AGBL1: variants seen among roughly 807,000 people sequenced by gnomAD.
The protein encoded by AGBL1 is AGBL carboxypeptidase 1, also known as cytosolic carboxypeptidase 4.
A neutral mutation model predicts 118.9 loss-of-function variants in AGBL1; 130 were observed. That is an observed-to-expected ratio of 1.09 (90% CI 0.95 to 1.26). The LOEUF (loss-of-function observed/expected upper bound fraction) is 1.26. Among genes scored for constraint, AGBL1 ranks in the 50% most tolerant of loss-of-function variants. AGBL1 has a pLI of 0.00. For synonymous variants in AGBL1, 555 were observed against 478.9 expected (o/e 1.16, Z -2.08); for missense variants, 1,584 against 1,298.1 (o/e 1.22, Z -3.38).
At chr15:87,004,444 G>A (rs2081475571) in intron 24 of AGBL1, among the ~76,000 whole-genome samples, 1 of 152,132 alleles carries the variant, frequency 6.6e-6, no homozygotes, top group Admixed American at 6.5e-5. Flanking sequence ...ATTATGTAAT[G>A]GCCTTCCTTG....
chr15:87,030,661 C>T (rs576440443), downstream of AGBL1, among the ~76,000 whole-genome samples: 25 of 151,946 alleles, frequency 1.6e-4, no homozygotes, highest in Middle Eastern at 6.3e-3. Flanking sequence ...CTTCCTTGTG[C>T]ACTTTTCCCC....
chr15:87,004,109 A>G (rs2081471177), intron 24 of AGBL1, among the ~76,000 whole-genome samples: 1 of 152,236 alleles, frequency 6.6e-6, no homozygotes, highest in Non-Finnish European at 1.5e-5. Context: ...ATTTAGTGCC[A>G]TAAATTTCCC....
chr15:86,369,700 T>G (rs565769324), intron 17 of AGBL1, among the ~76,000 whole-genome samples: 1 of 152,162 alleles, frequency 6.6e-6, no homozygotes, highest in South Asian at 2.1e-4. Flanking sequence ...TCAGAGAAGG[T>G]TTGCAGATAT....
At chr15:86,323,888 T>C (rs76150252) in intron 17 of AGBL1, among the ~76,000 whole-genome samples, 6,783 of 152,298 alleles carry the variant, frequency 0.045, 286 homozygotes, top group East Asian at 0.21. Flanking sequence ...CTTTTCTCTG[T>C]GCAGTCTGGC....
At chr15:86,325,832 G>A (rs2141851898) in intron 17 of AGBL1, among the ~76,000 whole-genome samples, 1 of 152,198 alleles carries the variant, frequency 6.6e-6, no homozygotes, top group African/African-American at 2.4e-5. Context: ...TGCACGTTGG[G>A]GGTGGTGGGA....
At chr15:86,955,778 G>A (rs2080923954) in intron 23 of AGBL1, among the ~76,000 whole-genome samples, 2 of 152,074 alleles carry the variant, frequency 1.3e-5, no homozygotes, top group Non-Finnish European at 2.9e-5. Flanking sequence ...AACTAGACTC[G>A]ATTTTTAGTA....
At chr15:86,868,482 G>A (rs2079669271) in intron 22 of AGBL1, among the ~76,000 whole-genome samples, 1 of 152,218 alleles carries the variant, frequency 6.6e-6, no homozygotes, top group Non-Finnish European at 1.5e-5. Context: ...TGGAAGAAAT[G>A]TCCACTTCCC....
intron 1 of AGBL1, among the ~76,000 whole-genome samples, chr15:86,112,129 A>G (rs1897427557): frequency 6.6e-6 from 1 of 151,866 alleles, no homozygotes; most frequent in Admixed American, 6.6e-5. Flanking sequence ...TATATATTAT[A>G]ATATAATAAT....
intron 5 of AGBL1, among the ~76,000 whole-genome samples, chr15:86,219,588 A>C (rs974253076): frequency 6.6e-6 from 1 of 151,876 alleles, no homozygotes; most frequent in Non-Finnish European, 1.5e-5. Context: ...CAGTCCTGCC[A>C]CTCAAAGATG....
At chr15:86,736,778 C>G (rs751661703) in intron 22 of AGBL1, among the ~76,000 whole-genome samples, 1 of 152,108 alleles carries the variant, frequency 6.6e-6, no homozygotes, top group Non-Finnish European at 1.5e-5. Flanking sequence ...GACATTAATA[C>G]CTGGCTTTTA....
chr15:86,399,462 G>A (rs1358819496), intron 18 of AGBL1, among the ~76,000 whole-genome samples: 2 of 152,130 alleles, frequency 1.3e-5, no homozygotes, highest in African/African-American at 2.4e-5. Flanking sequence ...AGTAGAGAAT[G>A]GAAAGAGCCC....
intron 17 of AGBL1, 163 bp downstream of exon 17, chr15:86,295,571 T>C (rs1418123665): frequency 1.7e-6 from 1 of 588,404 alleles, no homozygotes; most frequent in African/African-American, 1.9e-5. Context: ...ACACAAAGGT[T>C]AAACATTAAT....
intron 23 of AGBL1, among the ~76,000 whole-genome samples, chr15:86,980,885 CTTT>C (rs36077192): frequency 3.4e-5 from 4 of 118,968 alleles, no homozygotes; most frequent in Non-Finnish European, 3.3e-5. Context: ...CAGAAACATC[CTTT>C]TTTTTTTTTT....
At chr15:86,226,261 G>T (rs149741029) in intron 6 of AGBL1, among the ~76,000 whole-genome samples, 3 of 152,110 alleles carry the variant, frequency 2.0e-5, no homozygotes, top group Non-Finnish European at 4.4e-5. Flanking sequence ...CTGCTCCCTC[G>T]GTTGCTCCCA....
At chr15:86,116,133 C>G (rs1897742934) in intron 1 of AGBL1, among the ~76,000 whole-genome samples, 1 of 152,154 alleles carries the variant, frequency 6.6e-6, no homozygotes, top group South Asian at 2.1e-4. Flanking sequence ...CATTTGTTCT[C>G]TCATTTAATT....
chr15:86,486,060 C>T (rs748874431), intron 18 of AGBL1, among the ~76,000 whole-genome samples: 1 of 152,048 alleles, frequency 6.6e-6, no homozygotes, highest in Non-Finnish European at 1.5e-5. Flanking sequence ...ACCTTAGTCA[C>T]GATACTTAAC....
intron 21 of AGBL1, among the ~76,000 whole-genome samples, chr15:86,639,068 C>T (rs902503507): frequency 9.9e-5 from 15 of 152,160 alleles, no homozygotes; most frequent in Non-Finnish European, 1.9e-4. Context: ...TCTAGGCAAG[C>T]GAGAAGGCAA....
At chr15:86,169,912 T>A (rs2077392071) in intron 5 of AGBL1, among the ~76,000 whole-genome samples, 1 of 152,106 alleles carries the variant, frequency 6.6e-6, no homozygotes, top group Non-Finnish European at 1.5e-5. Context: ...ATTAGCTGCA[T>A]CCCAAGTCAA....
At chr15:86,676,081 G>C (rs950353553) in intron 22 of AGBL1, among the ~76,000 whole-genome samples, 4 of 152,152 alleles carry the variant, frequency 2.6e-5, no homozygotes, top group Admixed American at 1.3e-4. Flanking sequence ...ATTGCATCCT[G>C]ACCAAGGGGA....
Sources: allele counts gnomAD v4.1 joint callset (sites outside exome capture counted in the v4.1 genomes callset), GRCh38; gene constraint gnomAD v4.1.1; transcripts MANE v1.5; gene names NCBI Gene and HGNC (gene_info 2026-07-23, HGNC 2026-07-21).